AAK1: variants seen among roughly 807,000 people sequenced by gnomAD.
AAK1 encodes the protein AP2-associated protein kinase 1.
Under a neutral mutation model 116.0 loss-of-function variants are expected in AAK1, and 37 were observed. The observed-to-expected ratio is 0.32, with a 90% CI of 0.25 to 0.42. The LOEUF (loss-of-function observed/expected upper bound fraction) is 0.42, where lower values mean the gene tolerates loss of function less well. Ranked by LOEUF, AAK1 falls within the 10% of genes least tolerant of loss-of-function variation. The pLI is 1.00. For missense variants in AAK1, 919 were observed against 1,170.6 expected (o/e 0.79, Z 3.14); for synonymous variants, 458 against 439.9 (o/e 1.04, Z -0.51).
At chr2:69,622,773 T>C (rs1674710318) in intron 2 of AAK1, among the ~76,000 whole-genome samples, 1 of 152,198 alleles carries the variant, frequency 6.6e-6, no homozygotes, top group Non-Finnish European at 1.5e-5. Context: ...ATCAGCACCC[T>C]GTGTCTAGCT....
chr2:69,592,129 A>C (rs1408419292), intron 2 of AAK1, among the ~76,000 whole-genome samples: 1 of 152,216 alleles, frequency 6.6e-6, no homozygotes, highest in East Asian at 1.9e-4. Context: ...CCAAATTCCC[A>C]GTATCTCCAA....
intron 2 of AAK1, among the ~76,000 whole-genome samples, chr2:69,608,334 C>A (rs1364811076): frequency 6.6e-6 from 1 of 152,202 alleles, no homozygotes. Flanking sequence ...GGGTCTGGCA[C>A]GGGCAGCCAG....
chr2:69,465,883 G>A lies in AAK1; in HGVS notation c.*9986C>T, dbSNP rs1674470087. 1.5e-6 allele frequency: 2 copies of A among 1,290,766 alleles called. No individual in the cohort carries two copies. Among genetic ancestry groups the A allele is most frequent in the South Asian group, 1.2e-5 (1 of 81,024 alleles). 80.0% of individuals were successfully genotyped at this position (1,290,766 alleles called of 1,614,324 possible). A position where few individuals can be genotyped will look rare whatever the true frequency, so the allele number is the denominator to read the frequency against. On this transcript the variant is annotated 3_prime_UTR_variant, in exon 22 of 22. Transcript: ENST00000409085. The stretch of plus-strand genomic sequence containing the variant: ...ACAGCTCTCTCACGGCCCGCGGGCA[G>A]GGGGACATCACCTGTCTGACTGAGG...
intron 2 of AAK1, 115 bp downstream of exon 2, chr2:69,642,762 AG>A: frequency 7.2e-7 from 1 of 1,384,582 alleles, no homozygotes; most frequent in Non-Finnish European, 1.0e-6. Context: ...GGGCAAGTGA[AG>A]GGGGAAGGGA....
rs1464763888 is a variant in AAK1 at position 69,459,951 on chromosome 2, T to C, written c.*15918A>G. 1 of 152,168 alleles carries C rather than the reference T, an allele frequency of 6.6e-6. No individual in the cohort carries two copies. The highest frequency in any genetic ancestry group is 2.4e-5 in the African/African-American group (1 of 41,442). The allele number at this position is 152,168 out of a possible 1,614,324, so 9.4% of individuals were successfully genotyped here. ...CAAAGAAAAAACTAAGAATTTAAATTAGATAATTCCATTTAAAGTTTCCAA... is the reference window on the plus strand; with the variant it reads ...CAAAGAAAAAACTAAGAATTTAAATCAGATAATTCCATTTAAAGTTTCCAA... On this transcript the variant is annotated 3_prime_UTR_variant, in exon 22 of 22. Transcript: ENST00000409085.
chr2:69,472,414 G>A lies in AAK1; in HGVS notation c.*3455C>T, dbSNP rs969926482. 4.0e-6 allele frequency: 1 copy of A among 251,910 alleles called. No individual in the cohort carries two copies. Among genetic ancestry groups the A allele is most frequent in the African/African-American group, 2.3e-5 (1 of 43,208 alleles). 15.6% of individuals were successfully genotyped at this position (251,910 alleles called of 1,614,324 possible). A position where few individuals can be genotyped will look rare whatever the true frequency, so the allele number is the denominator to read the frequency against. On this transcript the variant is annotated 3_prime_UTR_variant, in exon 22 of 22. Coordinates refer to ENST00000409085, the MANE Select transcript of AAK1 (RefSeq NM_014911.5). ...TTACCTTCCTTGATATTATTTCTAA[G>A]GAGAGGAGTTTCAAAAATAACTTTA... is the stretch of plus-strand genomic sequence containing the variant.
At position 69,542,563 on chromosome 2, in the gene AAK1, A is replaced by G. The variant is rs1334841032; in HGVS notation, c.494T>C (p.Leu165Pro). 1 of 1,614,058 alleles carries G rather than the reference A, an allele frequency of 6.2e-7. No homozygotes were observed. Residue 165 changes from leucine (L) to proline (P), a missense_variant, in exon 5 of 22, where the codon CTG (leucine) becomes CCG (proline). Coordinates refer to ENST00000409085, the MANE Select transcript of AAK1 (RefSeq NM_014911.5). ...FCDTCEAVAR[L>P]HQCKTPIIHR... is the part of the protein sequence containing the mutation. ...GATAATAGGAGTTTTGCACTGATGC[A>G]GGCGGGCAACAGCTTCACAGGTATC...
intron 2 of AAK1, among the ~76,000 whole-genome samples, chr2:69,627,910 C>T (rs1312827738): frequency 1.3e-5 from 2 of 152,194 alleles, no homozygotes; most frequent in Non-Finnish European, 2.9e-5. Context: ...TCCTCAAACA[C>T]TATTCTTTCT....
chr2:69,570,013 A>G (rs1190872283), intron 2 of AAK1, among the ~76,000 whole-genome samples: 3 of 152,168 alleles, frequency 2.0e-5, no homozygotes, highest in Non-Finnish European at 4.4e-5. Context: ...GTCACTGGAT[A>G]GGTATATGTT....
chr2:69,615,886 G>A (rs901401544), intron 2 of AAK1, among the ~76,000 whole-genome samples: 1 of 152,160 alleles, frequency 6.6e-6, no homozygotes, highest in Non-Finnish European at 1.5e-5. Flanking sequence ...ATGTGTTTGT[G>A]GAATGACAAG....
At chr2:69,532,205 G>C (rs1211279359) in intron 5 of AAK1, 43 bp from the exon 6 acceptor site, 1 of 1,604,400 alleles carries the variant, frequency 6.2e-7, no homozygotes, top group African/African-American at 1.3e-5. Flanking sequence ...ATATCATTTA[G>C]TAATGCACGT....
In AAK1 at chr2:69,531,308, T is replaced by C. The variant is rs138415921; in HGVS notation, c.657-602A>G. Among the ~76,000 whole-genome samples the C allele has an allele frequency of 2.9e-4, 44 of 152,354 alleles. No individual in the cohort carries two copies. In the East Asian group the frequency reaches 7.9e-3, roughly 27 times the overall value. On this transcript the variant is annotated intron_variant, in intron 6 of 21. Transcript: ENST00000409085. Reference sequence around the variant, plus strand: ...GATGCTTTAGTCTCTAGATCCCAGATGGGACACGTCTAGGCATCCCTCAGG... The same window carrying C: ...GATGCTTTAGTCTCTAGATCCCAGACGGGACACGTCTAGGCATCCCTCAGG...
Position 69,643,574 on chromosome 2 carries a change from C to A in AAK1, c.-235+1G>T. 8.1e-7 allele frequency: 1 copy of A among 1,228,530 alleles called. No individual in the cohort carries two copies. The highest frequency in any genetic ancestry group is 3.2e-5 in the East Asian group (1 of 31,554). 76.1% of individuals were successfully genotyped at this position (1,228,530 alleles called of 1,614,324 possible). A position where few individuals can be genotyped will look rare whatever the true frequency, so the allele number is the denominator to read the frequency against. ...CGAGGCGGCATCCTGGCAGCACCCA[C>A]TTGAGACGGCTCGGCGGCCGGCGCC... On this transcript the variant is annotated splice_donor_variant, in intron 1 of 21. Transcript: ENST00000409085. LOFTEE classifies it low-confidence loss of function (5UTR_SPLICE).
rs1675829323 is a variant in AAK1 at position 69,643,249 on chromosome 2, A to C, written c.-209T>G. 3 of 1,411,294 alleles carry C rather than the reference A, an allele frequency of 2.1e-6. No homozygotes were observed. Among genetic ancestry groups the C allele is most frequent in the Non-Finnish European group, 2.7e-6 (3 of 1,091,256 alleles). The allele number at this position is 1,411,294 out of a possible 1,614,324, so 87.4% of individuals were successfully genotyped here. A position where few individuals can be genotyped will look rare whatever the true frequency, so the allele number is the denominator to read the frequency against. On this transcript the variant is annotated 5_prime_UTR_variant, in exon 2 of 22. Coordinates refer to ENST00000409085, the MANE Select transcript of AAK1 (RefSeq NM_014911.5). ...CGCGCAGCGGGTCCCCTCCTCCTCC[A>C]GAAAGCGATTCGTGTAAGTTTAAAC...
intron 16 of AAK1, among the ~76,000 whole-genome samples, chr2:69,502,316 A>T (rs1676007794): frequency 6.6e-6 from 1 of 152,168 alleles, no homozygotes; most frequent in Admixed American, 6.5e-5. Context: ...AGAAATAAAA[A>T]TGGGTCAGTA....
chr2:69,630,016 A>C (rs996867563), intron 2 of AAK1, among the ~76,000 whole-genome samples: 60 of 152,214 alleles, frequency 3.9e-4, no homozygotes, highest in African/African-American at 1.4e-3. Context: ...AGCTGCGGGG[A>C]ACACCATGAG....
At position 69,514,499 on chromosome 2, in the gene AAK1, G is replaced by A; in HGVS notation, c.1748C>T (p.Pro583Leu). 6.5e-7 allele frequency: 1 copy of A among 1,549,754 alleles called. No individual in the cohort carries two copies. The highest frequency in any genetic ancestry group is 8.7e-7 in the Non-Finnish European group (1 of 1,146,030). ...QQPQPQPAAA[P>L]QPAPAQEPAI... ...TGGCTCCTGGGCAGGGGCTGGCTGT[G>A]GGGCTGCAGCTGGCTGTGGCTGGGG... The change falls in exon 13 of 22, where the codon CCA becomes CTA. Residue 583 changes from proline (P) to leucine (L), a missense_variant. This residue lies in a region of AAK1 where 125 missense variants were observed against 184.1 expected (regional missense o/e 0.68). Coordinates refer to ENST00000409085, the MANE Select transcript of AAK1 (RefSeq NM_014911.5).
At chr2:69,479,110 A>G in intron 19 of AAK1, 49 bp from the exon 20 acceptor site, 1 of 1,223,164 alleles carries the variant, frequency 8.2e-7, no homozygotes, top group Non-Finnish European at 1.2e-6. Flanking sequence ...ATTAAGTGGC[A>G]CACACAACAA....
chr2:69,468,629 G>A lies in AAK1; in HGVS notation c.*7240C>T, dbSNP rs1340533699. On this transcript the variant is annotated 3_prime_UTR_variant, in exon 22 of 22. Coordinates refer to ENST00000409085, the MANE Select transcript of AAK1 (RefSeq NM_014911.5). ...AATCCAATGAACACTAGTTTGAACA[G>A]AGTCAGTGTTTTTTGGAAATTTAAA... 11 of 985,292 alleles carry A rather than the reference G, an allele frequency of 1.1e-5. No individual in the cohort carries two copies. The highest frequency in any genetic ancestry group is 1.1e-4 in the East Asian group (1 of 8,824). The allele number at this position is 985,292 out of a possible 1,614,324, so 61.0% of individuals were successfully genotyped here. A position where few individuals can be genotyped will look rare whatever the true frequency, so the allele number is the denominator to read the frequency against.
Sources: gnomAD v4.1 joint callset for allele counts (sites outside exome capture counted in the v4.1 genomes callset) on GRCh38, gnomAD v4.1.1 for gene constraint, gnomAD v4.1.1 regional missense constraint, MANE v1.5 for transcripts, NCBI Gene and HGNC (gene_info 2026-07-23, HGNC 2026-07-21) for gene names.